Variants in LOXHD1 observed in about 807,000 individuals in gnomAD.
LOXHD1 encodes lipoxygenase homology domain-containing protein 1.
LOXHD1 carries 205 observed loss-of-function variants against 248.2 expected under a neutral mutation model. That is an observed-to-expected ratio of 0.83 (90% confidence interval 0.74 to 0.93). The LOEUF (loss-of-function observed/expected upper bound fraction) is 0.93, where lower values mean the gene tolerates loss of function less well. LOXHD1 is among the 40% of genes least tolerant of loss of function. The pLI is 0.00. For missense variants in LOXHD1, 2,930 were observed against 2,971.6 expected (o/e 0.99, Z 0.33); for synonymous variants, 1,113 against 1,162.8 (o/e 0.96, Z 0.87).
At chr18:46,655,884 A>C (rs577601680) in intron 1 of LOXHD1, among the ~76,000 whole-genome samples, 1 of 152,346 alleles carries the variant, frequency 6.6e-6, no homozygotes, top group Admixed American at 6.5e-5. Flanking sequence ...CAGGGAACTC[A>C]TGGTGGACTG....
rs536601405 is a variant in LOXHD1, at chr18:46,533,986, C to T, written c.4212+349G>A. Among the ~76,000 whole-genome samples, 9 of 152,304 alleles carry T rather than the reference C, an allele frequency of 5.9e-5. No individual in the cohort carries two copies. The South Asian group carries it at 1.0e-3, about 18-fold the overall frequency. On this transcript the variant is annotated intron_variant, in intron 27 of 40. Transcript: ENST00000642948. ...CTGAGATCTATCTCCTAGGTTTATA[C>T]TTTTGTGGCTTCAGAATGTTTTTAA...
intron 12 of LOXHD1, among the ~76,000 whole-genome samples, chr18:46,583,793 G>C (rs558977746): frequency 6.6e-6 from 1 of 151,798 alleles, no homozygotes; most frequent in African/African-American, 2.4e-5. Context: ...CCTCAAAAAA[G>C]TTAAAAATAG....
At chr18:46,512,167 T>C (rs1426827233) in intron 34 of LOXHD1, among the ~76,000 whole-genome samples, 1 of 152,168 alleles carries the variant, frequency 6.6e-6, no homozygotes, top group Non-Finnish European at 1.5e-5. Context: ...CCAGCCATTA[T>C]TACAGATATG....
chr18:46,559,454 C>T lies in LOXHD1; in HGVS notation c.3210G>A (p.Gln1070=). Residue 1070 remains glutamine (Q), a synonymous_variant, in exon 20 of 41, where the codon CAG becomes CAA. Coordinates refer to ENST00000642948, the MANE Select transcript of LOXHD1 (RefSeq NM_001384474.1). Reference sequence around the variant, plus strand: ...CCAGAGACCCTCACCCTACCTGCCCCTGCTCAAATTTGTTGGACTTGTCTG... The same window carrying T: ...CCAGAGACCCTCACCCTACCTGCCCTTGCTCAAATTTGTTGGACTTGTCTG... The part of the protein sequence containing the change: ...KKSDKSNKFE[Q]GQTDTFTIYA... The T allele has an allele frequency of 6.4e-7, 1 of 1,552,142 alleles. No homozygotes were observed. Among genetic ancestry groups the T allele is most frequent in the Non-Finnish European group, 8.7e-7 (1 of 1,147,080 alleles).
chr18:46,634,763 A>G (rs2038871283), intron 4 of LOXHD1, among the ~76,000 whole-genome samples: 1 of 152,202 alleles, frequency 6.6e-6, no homozygotes. Context: ...CAGAAAGTAG[A>G]ATAGAGTTTA....
chr18:46,531,644 C>T lies in LOXHD1; in HGVS notation c.4375+1518G>A, dbSNP rs561817537. ...TTCAGCTTCTGAATGCTGAGCAATG[C>T]AGTAGTGCAGTCAGAGCCAGCTATT... is the stretch of plus-strand genomic sequence containing the variant. On this transcript the variant is annotated intron_variant, in intron 28 of 40. Transcript: ENST00000642948. 2.0e-3 allele frequency among the ~76,000 whole-genome samples: 303 copies of T among 152,320 alleles called. 1 individual carries two copies. The highest frequency in any genetic ancestry group is 7.0e-3 in the African/African-American group (291 of 41,560).
At chr18:46,643,679 A>C (rs188499746) in intron 2 of LOXHD1, among the ~76,000 whole-genome samples, 2 of 151,394 alleles carry the variant, frequency 1.3e-5, no homozygotes, top group Admixed American at 6.6e-5. Flanking sequence ...AATGGGAAAC[A>C]AAAAAAAAGG....
Position 46,562,474 on chromosome 18 carries a change from A to C in LOXHD1, c.2598+591T>G, listed in dbSNP as rs147897165. On this transcript the variant is annotated intron_variant, in intron 18 of 40. Transcript: ENST00000642948. ...TTGCCAACACCATGCCCACATTCTT[A>C]TCTCTTTTTTCCTTCTATTGAAAGA... 2.2e-3 allele frequency among the ~76,000 whole-genome samples: 340 copies of C among 152,254 alleles called. 3 individuals are homozygous for C. The highest frequency in any genetic ancestry group is 7.8e-3 in the African/African-American group (324 of 41,544).
chr18:46,562,051 C>T (rs1373676219), intron 18 of LOXHD1, among the ~76,000 whole-genome samples: 2 of 152,226 alleles, frequency 1.3e-5, no homozygotes, highest in Admixed American at 6.5e-5. Context: ...GACATTGACT[C>T]TTGATCATTA....
intron 37 of LOXHD1, among the ~76,000 whole-genome samples, chr18:46,501,116 G>T (rs2034199635): frequency 6.6e-6 from 1 of 152,158 alleles, no homozygotes; most frequent in Non-Finnish European, 1.5e-5. Context: ...GTACTCAATG[G>T]ATATATAGTT....
intron 2 of LOXHD1, among the ~76,000 whole-genome samples, chr18:46,647,559 G>A (rs644012): frequency 6.6e-6 from 1 of 152,218 alleles, no homozygotes; most frequent in Admixed American, 6.5e-5. Context: ...ACATGGCAAA[G>A]AGGATGGAGG....
At position 46,524,591 on chromosome 18, in the gene LOXHD1, C is replaced by A. The variant is rs779175501; in HGVS notation, c.4751G>T (p.Gly1584Val). 2.6e-6 allele frequency: 4 copies of A among 1,551,720 alleles called. No individual in the cohort carries two copies. Among genetic ancestry groups the A allele is most frequent in the Non-Finnish European group, 3.5e-6 (4 of 1,146,996 alleles). ...ERLFYEKEYT[G>V]DRSSNCSSPA... ...GCTGCTGCAGTTGCTGCTGCGGTCC[C>A]CAGTGTACTCCTGTGTGGGAGAGCA... The change falls in exon 31 of 41, where the codon GGG (glycine) becomes GTG (valine). Residue 1584 changes from glycine to valine, a missense_variant. Gly to Val is a moderately radical substitution (Grantham distance 109). Transcript: ENST00000642948.
chr18:46,496,907 A>G (rs2033907532), intron 37 of LOXHD1, among the ~76,000 whole-genome samples: 1 of 152,132 alleles, frequency 6.6e-6, no homozygotes, highest in Non-Finnish European at 1.5e-5. Context: ...GGAGGCTGAG[A>G]CAGAAGAATC....
chr18:46,561,141 C>A (rs2144021970), intron 18 of LOXHD1, among the ~76,000 whole-genome samples: 1 of 152,356 alleles, frequency 6.6e-6, no homozygotes. Context: ...CCTCCCCCAA[C>A]CCTGAGCACA....
chr18:46,551,128 A>C (rs1252537894), intron 21 of LOXHD1, among the ~76,000 whole-genome samples: 1 of 148,462 alleles, frequency 6.7e-6, no homozygotes, highest in Non-Finnish European at 1.5e-5. Flanking sequence ...TTTGAGACAG[A>C]GTCTCGCTCT....
intron 34 of LOXHD1, among the ~76,000 whole-genome samples, chr18:46,510,574 A>C (rs2143970113): frequency 6.6e-6 from 1 of 152,302 alleles, no homozygotes; most frequent in East Asian, 1.9e-4. Flanking sequence ...GATACTGCTG[A>C]TAAGGCCCTC....
At chr18:46,572,196 G>C in intron 14 of LOXHD1, 34 bp from the exon 15 acceptor site, 1 of 1,530,936 alleles carries the variant, frequency 6.5e-7, no homozygotes. Flanking sequence ...TAGCTCTTTG[G>C]GTGGAGCAGG....
intron 27 of LOXHD1, chr18:46,533,570 A>G (rs1413870486): frequency 1.3e-5 from 6 of 472,884 alleles, no homozygotes; most frequent in Non-Finnish European, 1.9e-5. Context: ...AGGTATCTGA[A>G]CTCCATCCTG....
At chr18:46,622,097 G>A in intron 4 of LOXHD1, among the ~76,000 whole-genome samples, 1 of 152,190 alleles carries the variant, frequency 6.6e-6, no homozygotes, top group East Asian at 1.9e-4. Flanking sequence ...CAAGGTCTCT[G>A]GTCTTTGAAT....
Sources: gnomAD v4.1 joint callset for allele counts (sites outside exome capture counted in the v4.1 genomes callset) on GRCh38, gnomAD v4.1.1 for gene constraint, MANE v1.5 for transcripts, NCBI Gene and HGNC (gene_info 2026-07-23, HGNC 2026-07-21) for gene names.